FRMPD4: variants seen among roughly 807,000 people sequenced by gnomAD.
FRMPD4 encodes FERM and PDZ domain-containing protein 4.
In FRMPD4, 22 loss-of-function variants were observed where a neutral mutation model predicts 94.1. The ratio of observed to expected loss-of-function variants is 0.23; its 90% CI spans 0.17 to 0.33. FRMPD4 has a LOEUF of 0.33. FRMPD4 is among the 10% of genes least tolerant of loss of function. FRMPD4 has a pLI of 1.00. For missense variants in FRMPD4, 1,111 were observed against 1,339.9 expected (o/e 0.83, Z 2.67); for synonymous variants, 631 against 548.6 (o/e 1.15, Z -2.10).
At chrX:12,433,890 A>G (rs1317126062) in intron 1 of FRMPD4, among the ~76,000 whole-genome samples, 4 of 112,104 alleles carry the variant, frequency 3.6e-5, no homozygotes, top group Non-Finnish European at 7.5e-5. Context: ...CTGGGTTTTC[A>G]ATATGAGTAT....
intron 2 of FRMPD4, among the ~76,000 whole-genome samples, chrX:12,518,092 T>TC (rs1173058991): frequency 9.0e-6 from 1 of 111,512 alleles, no homozygotes; most frequent in African/African-American, 3.3e-5. Flanking sequence ...TGGCCACCCC[T>TC]CCCCCTGGGA....
chrX:12,070,463 A>G (rs1176090582), intron 3 of FRMPD4, among the ~76,000 whole-genome samples: 1 of 112,042 alleles, frequency 8.9e-6, no homozygotes, highest in Non-Finnish European at 1.9e-5. Context: ...TATATAGGCA[A>G]CTATCCAATT....
chrX:11,832,783 A>C (rs1421614174), intron 1 of FRMPD4, among the ~76,000 whole-genome samples: 1 of 111,981 alleles, frequency 8.9e-6, no homozygotes, highest in Non-Finnish European at 1.9e-5. Flanking sequence ...AGACTCCTTC[A>C]TTATTAGCAT....
chrX:12,658,005 AGAG>A (rs2059675860), intron 4 of FRMPD4, among the ~76,000 whole-genome samples: 1 of 111,742 alleles, frequency 8.9e-6, no homozygotes, highest in Non-Finnish European at 1.9e-5. Flanking sequence ...CCTGAAAGAC[AGAG>A]GAGTTCTTTC....
At chrX:12,137,462 A>G (rs1008382932), upstream of FRMPD4, among the ~76,000 whole-genome samples, 5 of 112,378 alleles carry the variant, frequency 4.4e-5, no homozygotes, top group African/African-American at 1.6e-4. Flanking sequence ...GGATCTTCCA[A>G]CATTTCTGGG....
chrX:12,676,992 G>A (rs1315944423), intron 5 of FRMPD4, among the ~76,000 whole-genome samples: 1 of 111,170 alleles, frequency 9.0e-6, no homozygotes, highest in African/African-American at 3.3e-5. Flanking sequence ...CCACCTCCTC[G>A]GCCTCGCTAA....
intron 1 of FRMPD4, among the ~76,000 whole-genome samples, chrX:11,857,175 A>C (rs908134479): frequency 8.9e-6 from 1 of 111,907 alleles, no homozygotes; most frequent in Non-Finnish European, 1.9e-5. Context: ...TTAAACTACC[A>C]TTAACATTCT....
intron 2 of FRMPD4, among the ~76,000 whole-genome samples, chrX:12,585,557 C>G (rs2058919709): frequency 1.8e-5 from 2 of 112,155 alleles, no homozygotes; most frequent in South Asian, 7.4e-4. Flanking sequence ...ATTCCACCTG[C>G]AGCCCAAGCT....
At chrX:12,399,166 C>T (rs1184913646) in intron 1 of FRMPD4, among the ~76,000 whole-genome samples, 1 of 111,668 alleles carries the variant, frequency 9.0e-6, no homozygotes, top group Non-Finnish European at 1.9e-5. Flanking sequence ...GCTGATTGCG[C>T]TGTGTGCTTG....
intron 1 of FRMPD4, among the ~76,000 whole-genome samples, chrX:12,289,021 T>G (rs2054645314): frequency 8.9e-6 from 1 of 111,854 alleles, no homozygotes; most frequent in Non-Finnish European, 1.9e-5. Flanking sequence ...ATTTCCCTTG[T>G]TTTCTGAGTA....
chrX:12,119,398 AT>A (rs1231428217), intron 3 of FRMPD4, among the ~76,000 whole-genome samples: 1 of 112,449 alleles, frequency 8.9e-6, no homozygotes, highest in Admixed American at 9.4e-5. Flanking sequence ...CATGTGACTG[AT>A]ATGTCATCAA....
At chrX:12,541,187 A>T (rs1223130473) in intron 2 of FRMPD4, among the ~76,000 whole-genome samples, 3 of 111,922 alleles carry the variant, frequency 2.7e-5, no homozygotes, top group Non-Finnish European at 5.6e-5. Context: ...GAACTAGAGA[A>T]GCAAGAGCAA....
At chrX:12,175,780 C>T (rs1003814489) in intron 1 of FRMPD4, among the ~76,000 whole-genome samples, 5 of 111,679 alleles carry the variant, frequency 4.5e-5, no homozygotes, top group African/African-American at 1.6e-4. Flanking sequence ...TCCCAAAGTG[C>T]TAGGATTACA....
intron 3 of FRMPD4, among the ~76,000 whole-genome samples, chrX:12,114,512 A>G (rs1362530053): frequency 1.8e-5 from 2 of 112,184 alleles, no homozygotes; most frequent in Non-Finnish European, 3.8e-5. Flanking sequence ...ATAAAATCAT[A>G]TTTTTAGTCA....
intron 3 of FRMPD4, among the ~76,000 whole-genome samples, chrX:12,003,661 T>C (rs919068319): frequency 8.9e-6 from 1 of 112,080 alleles, no homozygotes; most frequent in Non-Finnish European, 1.9e-5. Context: ...TGCCTTGGCC[T>C]CCCAAAGTGC....
At chrX:12,061,196 G>A (rs1199471872) in intron 3 of FRMPD4, among the ~76,000 whole-genome samples, 2 of 111,962 alleles carry the variant, frequency 1.8e-5, no homozygotes, top group Non-Finnish European at 3.8e-5. Flanking sequence ...GGGGAGGCAA[G>A]TTATGGGAAG....
intron 3 of FRMPD4, among the ~76,000 whole-genome samples, chrX:12,089,121 C>A (rs940178697): frequency 8.9e-6 from 1 of 112,111 alleles, no homozygotes; most frequent in Admixed American, 9.5e-5. Context: ...CCATATTGAT[C>A]AGATAATTGT....
intron 3 of FRMPD4, among the ~76,000 whole-genome samples, chrX:12,052,117 A>G (rs756466083): frequency 1.8e-5 from 2 of 112,111 alleles, no homozygotes; most frequent in South Asian, 7.5e-4. Context: ...TCTAATAAAC[A>G]TGGCAATAAG....
intron 1 of FRMPD4, among the ~76,000 whole-genome samples, chrX:12,483,116 AG>A (rs1447016203): frequency 8.9e-6 from 1 of 112,469 alleles, no homozygotes; most frequent in Non-Finnish European, 1.9e-5. Context: ...CTTGAAGAAC[AG>A]GGTGGCCATT....
Sources: gnomAD v4.1 joint callset for allele counts (sites outside exome capture counted in the v4.1 genomes callset) on GRCh38, gnomAD v4.1.1 for gene constraint, MANE v1.5 for transcripts, NCBI Gene and HGNC (gene_info 2026-07-23, HGNC 2026-07-21) for gene names.